The following OIT3 variants were observed in gnomAD, a reference collection of about 807,000 sequenced individuals.
The protein encoded by OIT3 is oncoprotein-induced transcript 3 protein.
OIT3 carries 41 observed loss-of-function variants against 52.2 expected under a neutral mutation model. The ratio of observed to expected loss-of-function variants is 0.79; its 90% confidence interval spans 0.61 to 1.02. The LOEUF is 1.02. Among genes scored for constraint, OIT3 ranks in the 50% least tolerant of loss-of-function variants. The probability of loss-of-function intolerance (pLI) is 0.00; values close to 1 mark genes in which losing one functional copy is unlikely to be tolerated. For missense variants in OIT3, 634 were observed against 715.5 expected (o/e 0.89, Z 1.30); for synonymous variants, 244 against 276.9 (o/e 0.88, Z 1.18).
Position 72,913,401 on chromosome 10 carries a change from G to A in OIT3, c.884G>A (p.Arg295Gln), listed in dbSNP as rs370087806. The change falls in exon 6 of 9, where the codon CGA (arginine) becomes CAA (glutamine). Residue 295 changes from arginine (R) to glutamine (Q), a missense_variant. Transcript: ENST00000334011. Reference protein sequence around the residue: ...LELFLTNTSCRGVSNGTHVNI... With the variant: ...LELFLTNTSCQGVSNGTHVNI... ...CTCTTCCTGACCAACACCTCCTGCC[G>A]AGGAGTGTCCAACGGCACCCATGTC... 7.1e-5 allele frequency: 115 copies of A among 1,613,782 alleles called. No individual in the cohort carries two copies. In the East Asian group the frequency reaches 1.8e-3, roughly 25 times the overall value.
At chr10:72,921,598 A>G (rs1395874534) in intron 6 of OIT3, among the ~76,000 whole-genome samples, 1 of 150,338 alleles carries the variant, frequency 6.7e-6, no homozygotes, top group Non-Finnish European at 1.5e-5. Context: ...AAAGGATCTT[A>G]TTTCTTCTTC....
intron 6 of OIT3, among the ~76,000 whole-genome samples, chr10:72,922,025 G>T (rs1347605248): frequency 6.6e-6 from 1 of 152,110 alleles, no homozygotes; most frequent in Non-Finnish European, 1.5e-5. Context: ...GTCTCTCCTG[G>T]CCTGTAGGGT....
chr10:72,930,477 G>C (rs758661079), intron 7 of OIT3, 61 bp from the exon 8 acceptor site: 131 of 1,269,078 alleles, frequency 1.0e-4, no homozygotes, highest in Non-Finnish European at 1.4e-4. Context: ...TGTTGGGTTA[G>C]ATTGTTTTTC....
intron 6 of OIT3, among the ~76,000 whole-genome samples, chr10:72,915,938 C>A (rs568395455): frequency 3.3e-5 from 5 of 152,176 alleles, no homozygotes; most frequent in African/African-American, 1.2e-4. Flanking sequence ...TTCACACATA[C>A]CAAATCCATG....
At chr10:72,913,899 G>A (rs1751021019) in intron 6 of OIT3, among the ~76,000 whole-genome samples, 1 of 152,238 alleles carries the variant, frequency 6.6e-6, no homozygotes, top group African/African-American at 2.4e-5. Flanking sequence ...TCTGCACACA[G>A]CCCTGTGCTG....
intron 1 of OIT3, among the ~76,000 whole-genome samples, chr10:72,894,347 T>G (rs908329249): frequency 2.0e-5 from 3 of 152,280 alleles, no homozygotes; most frequent in Non-Finnish European, 2.9e-5. Context: ...TTAAATTGTC[T>G]CCCTCCTCAG....
intron 6 of OIT3, among the ~76,000 whole-genome samples, chr10:72,916,189 G>T (rs1589526690): frequency 6.6e-6 from 1 of 152,016 alleles, no homozygotes; most frequent in Admixed American, 6.6e-5. Flanking sequence ...TTAAGTTCAG[G>T]GGTACATGTG....
Position 72,900,842 on chromosome 10 carries a change from C to T in OIT3, c.544+358C>T, listed in dbSNP as rs544272783. ...CAGCACTTTGGGAGGCTGAGGCTGACAGATGGCTTGAGCCCAGGAGTTTGA... is the reference window on the plus strand; with the variant it reads ...CAGCACTTTGGGAGGCTGAGGCTGATAGATGGCTTGAGCCCAGGAGTTTGA... On this transcript the variant is annotated intron_variant, in intron 3 of 8. Coordinates refer to ENST00000334011, the MANE Select transcript of OIT3 (RefSeq NM_152635.3). Among the ~76,000 whole-genome samples the T allele has an allele frequency of 2.6e-5, 4 of 152,090 alleles. No individual in the cohort carries two copies. The East Asian group carries it at 5.8e-4, about 22-fold the overall frequency.
intron 3 of OIT3, among the ~76,000 whole-genome samples, chr10:72,901,555 C>G (rs942541552): frequency 1.3e-5 from 2 of 152,098 alleles, no homozygotes; most frequent in African/African-American, 2.4e-5. Context: ...AGTAACAGGT[C>G]AGGATTGAGG....
chr10:72,921,611 T>G (rs1456005487), intron 6 of OIT3, among the ~76,000 whole-genome samples: 1 of 152,146 alleles, frequency 6.6e-6, no homozygotes, highest in Non-Finnish European at 1.5e-5. Flanking sequence ...TCTTCTTCAC[T>G]TATGAAGCTT....
chr10:72,899,421 C>G (rs1393439685), intron 2 of OIT3, among the ~76,000 whole-genome samples: 1 of 151,754 alleles, frequency 6.6e-6, no homozygotes. Context: ...ATGGTGAAAC[C>G]CTGTCTCTAC....
intron 8 of OIT3, among the ~76,000 whole-genome samples, chr10:72,932,091 G>A (rs534177838): frequency 6.6e-6 from 1 of 152,364 alleles, no homozygotes; most frequent in Admixed American, 6.5e-5. Context: ...CCATGCAGGA[G>A]TTATGAATGT....
chr10:72,916,397 C>T (rs929253258), intron 6 of OIT3, among the ~76,000 whole-genome samples: 3 of 152,124 alleles, frequency 2.0e-5, no homozygotes, highest in Non-Finnish European at 4.4e-5. Flanking sequence ...CATCATTTAG[C>T]TCCCACTTAT....
chr10:72,928,409 C>G (rs1169737820), intron 7 of OIT3, among the ~76,000 whole-genome samples: 5 of 152,196 alleles, frequency 3.3e-5, no homozygotes, highest in Non-Finnish European at 2.9e-5. Flanking sequence ...AAATCAAGAG[C>G]CAACATTTGT....
intron 5 of OIT3, 54 bp from the exon 6 acceptor site, chr10:72,913,254 C>G (rs113095004): frequency 2.1e-6 from 3 of 1,429,304 alleles, no homozygotes; most frequent in East Asian, 2.3e-5. Flanking sequence ...CTCCTAAAAG[C>G]CTTCCTCCCG....
intron 1 of OIT3, among the ~76,000 whole-genome samples, chr10:72,897,285 A>G (rs943248036): frequency 6.6e-6 from 1 of 152,184 alleles, no homozygotes; most frequent in African/African-American, 2.4e-5. Flanking sequence ...CGGCCCCCCA[A>G]AGTGCTGGGA....
At chr10:72,911,279 A>G (rs1194377236) in intron 4 of OIT3, among the ~76,000 whole-genome samples, 1 of 152,192 alleles carries the variant, frequency 6.6e-6, no homozygotes, top group Non-Finnish European at 1.5e-5. Context: ...CAGCCAGTCC[A>G]CAATAAGTCA....
chr10:72,932,476 G>A lies in OIT3; in HGVS notation c.1590G>A (p.Gln530=), dbSNP rs1027393702. The change falls in exon 9 of 9, where the codon CAG becomes CAA. Residue 530 remains glutamine, a synonymous_variant. Coordinates refer to ENST00000334011, the MANE Select transcript of OIT3 (RefSeq NM_152635.3). ...GAGGEDSAGL[Q]GQTLTGGPIR... ...GAGGAGAGGACTCAGCCGGTCTACA[G>A]GGCCAGACGCTAACAGGCGGCCCGA... 5 of 1,613,582 alleles carry A rather than the reference G, an allele frequency of 3.1e-6. No homozygotes were observed. The highest frequency in any genetic ancestry group is 1.6e-4 in the Middle Eastern group (1 of 6,082).
At chr10:72,914,042 CA>C (rs1293396164) in intron 6 of OIT3, among the ~76,000 whole-genome samples, 1 of 152,144 alleles carries the variant, frequency 6.6e-6, no homozygotes, top group East Asian at 1.9e-4. Context: ...AGTCAAGGGA[CA>C]AACACAGGAG....
Sources: gnomAD v4.1 joint callset for allele counts (sites outside exome capture counted in the v4.1 genomes callset) on GRCh38, gnomAD v4.1.1 for gene constraint, MANE v1.5 for transcripts, NCBI Gene and HGNC (gene_info 2026-07-23, HGNC 2026-07-21) for gene names.